The following ZFPM1 variants were observed in gnomAD, a reference collection of about 807,000 sequenced individuals.
The protein encoded by ZFPM1 is zinc finger protein ZFPM1.
Under a neutral mutation model 46.3 loss-of-function variants are expected in ZFPM1, and 28 were observed. The ratio of observed to expected loss-of-function variants is 0.60; its 90% CI spans 0.45 to 0.83. The LOEUF is 0.83. Among genes scored for constraint, ZFPM1 ranks in the 40% least tolerant of loss-of-function variants. The pLI is 0.00. For synonymous variants in ZFPM1, 957 were observed against 675.9 expected, an observed-to-expected ratio of 1.42 and a Z score of -6.45; for missense variants, 1,878 against 1,432.4, an observed-to-expected ratio of 1.31 and a Z score of -5.02.
At chr16:88,455,723 G>A (rs867247767) in intron 1 of ZFPM1, among the ~76,000 whole-genome samples, 27 of 152,180 alleles carry the variant, frequency 1.8e-4, no homozygotes, top group Middle Eastern at 6.4e-3. Context: ...CGCTGATAAG[G>A]CGCGCAACCG....
At chr16:88,485,173 C>T (rs952963278) in intron 1 of ZFPM1, among the ~76,000 whole-genome samples, 1 of 152,152 alleles carries the variant, frequency 6.6e-6, no homozygotes, top group Admixed American at 6.5e-5. Context: ...GCGACGGCGA[C>T]CCTCAGGGCC....
intron 1 of ZFPM1, among the ~76,000 whole-genome samples, chr16:88,460,931 AGGCCTGGTGATGACCGAGGGGC>A (rs1907800101): frequency 1.8e-5 from 1 of 54,978 alleles, no homozygotes. Flanking sequence ...GCGGGGCGGG[AGGCCTGGTGATGACCGAGGGGC>A]GGGGCGGGAG....
chr16:88,509,959 G>A (rs562145363), intron 3 of ZFPM1, among the ~76,000 whole-genome samples: 49 of 152,202 alleles, frequency 3.2e-4, no homozygotes, highest in East Asian at 9.7e-4. Flanking sequence ...CTGGGGCCTC[G>A]GGGGCAGAGC....
chr16:88,529,833 G>A (rs1372325947), intron 6 of ZFPM1, among the ~76,000 whole-genome samples: 2 of 152,248 alleles, frequency 1.3e-5, no homozygotes, highest in South Asian at 4.1e-4. Context: ...CAGCTGGCCA[G>A]AGGGGGATGG....
rs375148527 is a variant in ZFPM1, at chr16:88,489,079, C to T, written c.194C>T (p.Pro65Leu). ...PLPPPTSPGG[P>L]KELEGQEPEP... ...CCGCCCCCCACATCCCCAGGAGGCC[C>T]CAAGGAGCTGGAAGGACAGGAACCA... Residue 65 changes from proline to leucine, a missense_variant, in exon 3 of 10, where the codon CCC becomes CTC. By Grantham distance (98) the Pro-to-Leu change is moderately conservative. Coordinates refer to ENST00000319555, the MANE Select transcript of ZFPM1 (RefSeq NM_153813.3). 2.9e-5 allele frequency: 47 copies of T among 1,613,036 alleles called. No homozygotes were observed. The highest frequency in any genetic ancestry group is 3.6e-5 in the Non-Finnish European group (42 of 1,179,816).
chr16:88,524,699 C>A (rs1357460546), intron 4 of ZFPM1, among the ~76,000 whole-genome samples: 1 of 152,234 alleles, frequency 6.6e-6, no homozygotes, highest in Non-Finnish European at 1.5e-5. Flanking sequence ...TCCCAACATA[C>A]CGGGAGGAAA....
rs1446104309 is a variant in ZFPM1 at position 88,497,212 on chromosome 16, G to A, written c.268+8059G>A. Among the ~76,000 whole-genome samples, 1 of 152,208 alleles carries A rather than the reference G, an allele frequency of 6.6e-6. No individual in the cohort carries two copies. The highest frequency in any genetic ancestry group is 1.9e-4 in the East Asian group (1 of 5,194). ...CTGCTGGCCAGTAGAAGGGATGCCC[G>A]AGTGTCAGGCTGGGTGTGAGAGATG... On this transcript the variant is annotated intron_variant, in intron 3 of 9. Transcript: ENST00000319555. The surrounding 1 kb of genome is among the most constrained non-coding windows in gnomAD (Gnocchi z 5.4).
chr16:88,522,712 C>T lies in ZFPM1; in HGVS notation c.403-4102C>T, dbSNP rs544896210. Among the ~76,000 whole-genome samples the T allele has an allele frequency of 6.6e-5, 10 of 152,178 alleles. No individual in the cohort carries two copies. In the East Asian group the frequency reaches 9.6e-4, roughly 15 times the overall value. ...TTAAAGTGGCCACTGCTGGTGGGGC[C>T]GGCCAGGGCCCAGAGGAGGGACAGG... On this transcript the variant is annotated intron_variant, in intron 4 of 9. Coordinates refer to ENST00000319555, the MANE Select transcript of ZFPM1 (RefSeq NM_153813.3).
intron 1 of ZFPM1, among the ~76,000 whole-genome samples, chr16:88,466,777 G>T (rs1009970610): frequency 3.3e-5 from 5 of 152,138 alleles, no homozygotes; most frequent in Non-Finnish European, 7.4e-5. Context: ...TGTGGGGGAG[G>T]GGGGTAAATG....
At chr16:88,477,072 AGT>A (rs34086137) in intron 1 of ZFPM1, among the ~76,000 whole-genome samples, 52,990 of 152,160 alleles carry the variant, frequency 0.35, 9,521 homozygotes, top group East Asian at 0.54. Flanking sequence ...CAGCCCTGAA[AGT>A]GAGTTCTGGT....
intron 4 of ZFPM1, chr16:88,515,963 G>A: frequency 2.5e-6 from 1 of 395,516 alleles, no homozygotes; most frequent in Non-Finnish European, 4.5e-6. Flanking sequence ...AACTCTCAAA[G>A]TGTCAAGAAA....
chr16:88,487,570 G>C (rs1037825533), intron 2 of ZFPM1, among the ~76,000 whole-genome samples: 3 of 152,146 alleles, frequency 2.0e-5, no homozygotes, highest in African/African-American at 4.8e-5. Context: ...CTGCAGCCGA[G>C]GGGCTGGGGT....
chr16:88,527,910 C>A, intron 5 of ZFPM1, 122 bp from the exon 6 acceptor site: 1 of 1,030,300 alleles, frequency 9.7e-7, no homozygotes, highest in South Asian at 1.8e-5. Flanking sequence ...CCCTGGCAGC[C>A]AGCCAGCCAT....
chr16:88,505,865 C>T (rs1050157188), intron 3 of ZFPM1, among the ~76,000 whole-genome samples: 4 of 152,144 alleles, frequency 2.6e-5, no homozygotes, highest in African/African-American at 7.2e-5. Context: ...GTGCAGCCGC[C>T]GGCAGGGCCC....
chr16:88,496,984 T>G (rs1184120401), intron 3 of ZFPM1, among the ~76,000 whole-genome samples: 1 of 152,106 alleles, frequency 6.6e-6, no homozygotes, highest in Non-Finnish European at 1.5e-5. Context: ...GGTGGGGGGC[T>G]GCCAGGCCTG....
In ZFPM1 at chr16:88,533,390, C is replaced by A. The variant is rs778526317; in HGVS notation, c.1432C>A (p.Pro478Thr). The A allele has an allele frequency of 6.6e-7, 1 of 1,523,162 alleles. No individual in the cohort carries two copies. The highest frequency in any genetic ancestry group is 2.5e-5 in the East Asian group (1 of 39,312). 94.4% of individuals were successfully genotyped at this position (1,523,162 alleles called of 1,614,324 possible). The change falls in exon 10 of 10, where the codon CCC (proline) becomes ACC (threonine). Residue 478 changes from proline (P) to threonine (T), a missense_variant. By Grantham distance (38) the Pro-to-Thr change is conservative (BLOSUM62 -1). Coordinates refer to ENST00000319555, the MANE Select transcript of ZFPM1 (RefSeq NM_153813.3). ...GCCGGAGGCGGCCCCCATCCTGGGC[C>A]CCGGAGAGCCTGGGCCCCAGGCCCC... ...EEPEAAPILG[P>T]GEPGPQAPSR...
At chr16:88,512,982 G>T (rs1047032754) in intron 3 of ZFPM1, 7 of 152,278 alleles carry the variant, frequency 4.6e-5, no homozygotes, top group African/African-American at 1.7e-4. Flanking sequence ...CTGTGCAGGG[G>T]GATGACCGTC....
chr16:88,535,002 C>A lies in ZFPM1; in HGVS notation c.*23C>A. 1.5e-6 allele frequency: 2 copies of A among 1,372,000 alleles called. No homozygotes were observed. The highest frequency in any genetic ancestry group is 1.9e-6 in the Non-Finnish European group (2 of 1,051,288). 85.0% of individuals were successfully genotyped at this position (1,372,000 alleles called of 1,614,324 possible). On this transcript the variant is annotated 3_prime_UTR_variant, in exon 10 of 10. Transcript: ENST00000319555. Reference sequence around the variant, plus strand: ...TGAGCGCCCACACTACAGCCGCAGACGCTTTGCACGCCCCGCTGCGATGCG... The same window carrying A: ...TGAGCGCCCACACTACAGCCGCAGAAGCTTTGCACGCCCCGCTGCGATGCG...
At chr16:88,462,978 C>T (rs1907968135) in intron 1 of ZFPM1, among the ~76,000 whole-genome samples, 1 of 152,222 alleles carries the variant, frequency 6.6e-6, no homozygotes, top group Non-Finnish European at 1.5e-5. Context: ...CCCCTCCCCT[C>T]CCCAGGTTGC....
Sources: gnomAD v4.1 joint callset for allele counts (sites outside exome capture counted in the v4.1 genomes callset) on GRCh38, gnomAD v4.1.1 for gene constraint, Gnocchi (gnomAD v3.1) non-coding constraint, MANE v1.5 for transcripts, NCBI Gene and HGNC (gene_info 2026-07-23, HGNC 2026-07-21) for gene names.